Variants in IRX5 observed in about 807,000 individuals in gnomAD.
The protein encoded by IRX5 is iroquois homeobox 5, also known as iroquois-class homeodomain protein IRX-5.
Under a neutral mutation model 37.6 loss-of-function variants are expected in IRX5, and 8 were observed. The ratio of observed to expected loss-of-function variants is 0.21; its 90% confidence interval spans 0.12 to 0.38. The LOEUF is 0.38. Ranked by LOEUF, IRX5 falls within the 10% of genes least tolerant of loss-of-function variation. IRX5 has a pLI of 1.00. For missense variants in IRX5, 635 were observed against 695.2 expected (o/e 0.91, Z 0.97); for synonymous variants, 359 against 328.6 (o/e 1.09, Z -1.00).
At chr16:54,931,914 G>A in intron 1 of IRX5, 1 of 611,116 alleles carries the variant, frequency 1.6e-6, no homozygotes, top group Admixed American at 2.8e-5. Flanking sequence ...TCCGATTTGG[G>A]AGTATTAAAT....
Position 54,932,934 on chromosome 16 carries a change from C to T in IRX5, c.655+31C>T, listed in dbSNP as rs1963917578. On this transcript the variant is annotated intron_variant, in intron 2 of 2. Coordinates refer to ENST00000394636, the MANE Select transcript of IRX5 (RefSeq NM_005853.6). The surrounding 1 kb of genome is among the most constrained non-coding windows in gnomAD (Gnocchi z 6.7). Reference sequence around the variant, plus strand: ...TGGACATGGGAAAGGGCGTGTTGGGCGGGAGTAAAAAGGAAAAGAGAGGCC... The same window carrying T: ...TGGACATGGGAAAGGGCGTGTTGGGTGGGAGTAAAAAGGAAAAGAGAGGCC... 5.7e-6 allele frequency: 9 copies of T among 1,589,498 alleles called. No homozygotes were observed. The highest frequency in any genetic ancestry group is 7.7e-6 in the Non-Finnish European group (9 of 1,169,290).
Position 54,933,772 on chromosome 16 carries a change from G to C in IRX5, c.1351G>C (p.Asp451His). 1.2e-6 allele frequency: 2 copies of C among 1,614,160 alleles called. No individual in the cohort carries two copies. The highest frequency in any genetic ancestry group is 1.7e-6 in the Non-Finnish European group (2 of 1,180,046). Residue 451 changes from aspartate (D) to histidine (H), a missense_variant, in exon 3 of 3, where the codon GAC becomes CAC. Asp to His is a moderately conservative substitution (Grantham distance 81). Around this residue, in one of 5 missense-constraint regions of IRX5, gnomAD observed 188 missense variants for 200.8 expected, o/e 0.94. Coordinates refer to ENST00000394636, the MANE Select transcript of IRX5 (RefSeq NM_005853.6). ...AAACCAGACCGTGTTGAACCGAGCGGACGCTTTGGCTAAAGACCCGAAAAT... is the reference window on the plus strand; with the variant it reads ...AAACCAGACCGTGTTGAACCGAGCGCACGCTTTGGCTAAAGACCCGAAAAT... ...GLNQTVLNRA[D>H]ALAKDPKMLR...
chr16:54,933,635 C>T lies in IRX5; in HGVS notation c.1214C>T (p.Thr405Ile). 6.2e-7 allele frequency: 1 copy of T among 1,610,450 alleles called. No individual in the cohort carries two copies. Among genetic ancestry groups the T allele is most frequent in the Non-Finnish European group, 8.5e-7 (1 of 1,177,308 alleles). ...GTGCTGTCCCGGCCTCTCTACTACA[C>T]CGCGCCCTTCTATCCCGGCTACACG... ...GTVLSRPLYY[T>I]APFYPGYTNY... The change falls in exon 3 of 3, where the codon ACC becomes ATC. Residue 405 changes from threonine (T) to isoleucine (I), a missense_variant. Coordinates refer to ENST00000394636, the MANE Select transcript of IRX5 (RefSeq NM_005853.6).
Position 54,932,315 on chromosome 16 carries a change from C to A in IRX5, c.250-183C>A, listed in dbSNP as rs886132000. The A allele has an allele frequency of 2.8e-6, 2 of 709,684 alleles. No homozygotes were observed. Among genetic ancestry groups the A allele is most frequent in the Non-Finnish European group, 4.7e-6 (2 of 428,716 alleles). The allele number at this position is 709,684 out of a possible 1,614,324, so 44.0% of individuals were successfully genotyped here. ...ACCCAGAAATTGAGGTCCCCGCTGC[C>A]TTCTGAGGAGGGGGAGGAGTTGCTC... On this transcript the variant is annotated intron_variant, in intron 1 of 2. Coordinates refer to ENST00000394636, the MANE Select transcript of IRX5 (RefSeq NM_005853.6). This position sits in a 1 kb window ranked among gnomAD's most constrained non-coding sequence, Gnocchi z 6.7.
At position 54,933,450 on chromosome 16, in the gene IRX5, G is replaced by C. The variant is rs745371506; in HGVS notation, c.1029G>C (p.Ser343=). Residue 343 remains serine (S), a synonymous_variant, in exon 3 of 3, where the codon TCG becomes TCC. Transcript: ENST00000394636. ...GGTCTTTGGCAGAGATCGCCACATC[G>C]TCGGACAAGGTCAAGGACGGGGGCG... ...KLWSLAEIAT[S]SDKVKDGGGG... is the part of the protein sequence containing the mutation. 1 of 1,611,718 alleles carries C rather than the reference G, an allele frequency of 6.2e-7. No individual in the cohort carries two copies. Among genetic ancestry groups the C allele is most frequent in the Non-Finnish European group, 8.5e-7 (1 of 1,179,402 alleles).
In IRX5 at chr16:54,933,960, G is replaced by C; in HGVS notation, c.*87G>C. 1 of 1,363,320 alleles carries C rather than the reference G, an allele frequency of 7.3e-7. No homozygotes were observed. Among genetic ancestry groups the C allele is most frequent in the East Asian group, 2.4e-5 (1 of 42,272 alleles). The allele number at this position is 1,363,320 out of a possible 1,614,324, so 84.5% of individuals were successfully genotyped here. On this transcript the variant is annotated 3_prime_UTR_variant, in exon 3 of 3. Transcript: ENST00000394636. Reference sequence around the variant, plus strand: ...TTTCCATCACCGAGAGAGAGAGACAGAGAGAGAAAATAAACTACCCCTCCT... The same window carrying C: ...TTTCCATCACCGAGAGAGAGAGACACAGAGAGAAAATAAACTACCCCTCCT...
Position 54,933,282 on chromosome 16 carries a change from G to A in IRX5, c.861G>A (p.Pro287=). 1 of 1,361,272 alleles carries A rather than the reference G, an allele frequency of 7.3e-7. No homozygotes were observed. Among genetic ancestry groups the A allele is most frequent in the East Asian group, 3.1e-5 (1 of 32,226 alleles). 84.3% of individuals were successfully genotyped at this position (1,361,272 alleles called of 1,614,324 possible). ...GPAAARLAED[P]APHYPAGAPA... ...CGGCGGCGCGGCTGGCGGAGGACCCGGCCCCTCACTACCCCGCCGGAGCGC... is the reference window on the plus strand; with the variant it reads ...CGGCGGCGCGGCTGGCGGAGGACCCAGCCCCTCACTACCCCGCCGGAGCGC... The change falls in exon 3 of 3, where the codon CCG becomes CCA. Residue 287 remains proline (P), a synonymous_variant. Transcript: ENST00000394636.
Position 54,931,339 on chromosome 16 carries a change from C to T in IRX5, c.141C>T (p.Pro47=), listed in dbSNP as rs756275119. 2 of 1,610,578 alleles carry T rather than the reference C, an allele frequency of 1.2e-6. No individual in the cohort carries two copies. Among genetic ancestry groups the T allele is most frequent in the Non-Finnish European group, 1.7e-6 (2 of 1,179,598 alleles). The part of the protein sequence containing the change: ...GRSSSGSAFS[P]YAGSTAFTAP... ...CTTCTTCGGGCTCCGCGTTCTCGCCCTACGCTGGCTCGACTGCCTTCACGG... is the reference window on the plus strand; with the variant it reads ...CTTCTTCGGGCTCCGCGTTCTCGCCTTACGCTGGCTCGACTGCCTTCACGG... Residue 47 remains proline (P), a synonymous_variant, in exon 1 of 3, where the codon CCC becomes CCT. Transcript: ENST00000394636.
In IRX5 at chr16:54,933,940, A is replaced by G. The variant is rs1440949442; in HGVS notation, c.*67A>G. ...ACATGGCCTTGGCAGTTATTTTTCCATCACCGAGAGAGAGAGACAGAGAGA... is the reference window on the plus strand; with the variant it reads ...ACATGGCCTTGGCAGTTATTTTTCCGTCACCGAGAGAGAGAGACAGAGAGA... On this transcript the variant is annotated 3_prime_UTR_variant, in exon 3 of 3. Coordinates refer to ENST00000394636, the MANE Select transcript of IRX5 (RefSeq NM_005853.6). 1 of 1,443,424 alleles carries G rather than the reference A, an allele frequency of 6.9e-7. No homozygotes were observed. Among genetic ancestry groups the G allele is most frequent in the African/African-American group, 1.4e-5 (1 of 70,568 alleles). The allele number at this position is 1,443,424 out of a possible 1,614,324, so 89.4% of individuals were successfully genotyped here. A position where few individuals can be genotyped will look rare whatever the true frequency, so the allele number is the denominator to read the frequency against.
chr16:54,934,110 T>C lies in IRX5; in HGVS notation c.*237T>C, dbSNP rs762432569. On this transcript the variant is annotated 3_prime_UTR_variant, in exon 3 of 3. Coordinates refer to ENST00000394636, the MANE Select transcript of IRX5 (RefSeq NM_005853.6). ...AAAGGATTTGTATTAAATCTTATTC[T>C]GTATATTTAATGTAGCATTTTTGTA... is the stretch of plus-strand genomic sequence containing the variant. 69 of 361,042 alleles carry C rather than the reference T, an allele frequency of 1.9e-4. No homozygotes were observed. The highest frequency in any genetic ancestry group is 3.1e-4 in the Non-Finnish European group (63 of 204,062). 22.4% of individuals were successfully genotyped at this position (361,042 alleles called of 1,614,324 possible).
In IRX5 at chr16:54,933,473, G is replaced by A. The variant is rs779625299; in HGVS notation, c.1052G>A (p.Gly351Asp). The A allele has an allele frequency of 1.2e-6, 2 of 1,611,960 alleles. No homozygotes were observed. Among genetic ancestry groups the A allele is most frequent in the Non-Finnish European group, 8.5e-7 (1 of 1,179,448 alleles). ...ATSSDKVKDG[G>D]GGNEGSPCPP... ...TCGTCGGACAAGGTCAAGGACGGGG[G>A]CGGCGGGAACGAGGGCTCTCCATGC... Residue 351 changes from glycine to aspartate, a missense_variant, in exon 3 of 3, where the codon GGC becomes GAC. Around this residue, in one of 5 missense-constraint regions of IRX5, gnomAD observed 188 missense variants for 200.8 expected, o/e 0.94. Coordinates refer to ENST00000394636, the MANE Select transcript of IRX5 (RefSeq NM_005853.6).
rs747989573 is a variant in IRX5, at chr16:54,933,564, G to A, written c.1143G>A (p.Ala381=). ...GCAGCCGGGCGTCGCCGGCCCCGGC[G>A]CCGTCACGCTCGCCCTCGGCGCAGT... ...LGGSRASPAP[A]PSRSPSAQCP... The change falls in exon 3 of 3, where the codon GCG becomes GCA. Residue 381 remains alanine, a synonymous_variant. Transcript: ENST00000394636. 10 of 1,608,286 alleles carry A rather than the reference G, an allele frequency of 6.2e-6. No homozygotes were observed. The highest frequency in any genetic ancestry group is 2.2e-5 in the East Asian group (1 of 44,668).
chr16:54,931,071 G>T lies in IRX5; in HGVS notation c.-128G>T. 1 of 616,910 alleles carries T rather than the reference G, an allele frequency of 1.6e-6. No individual in the cohort carries two copies. Among genetic ancestry groups the T allele is most frequent in the Non-Finnish European group, 2.1e-6 (1 of 486,058 alleles). 38.2% of individuals were successfully genotyped at this position (616,910 alleles called of 1,614,324 possible). On this transcript the variant is annotated 5_prime_UTR_variant, in exon 1 of 3. Transcript: ENST00000394636. ...AGGAGGCGCCGCGGGCCGGAGCCCC[G>T]GAGCCGGGGCCAGAGGAGCGGCGGC...
In IRX5 at chr16:54,932,437, G is replaced by A. The variant is rs770716435; in HGVS notation, c.250-61G>A. 6.5e-7 allele frequency: 1 copy of A among 1,531,578 alleles called. No individual in the cohort carries two copies. The highest frequency in any genetic ancestry group is 8.8e-7 in the Non-Finnish European group (1 of 1,137,248). 94.9% of individuals were successfully genotyped at this position (1,531,578 alleles called of 1,614,324 possible). A position where few individuals can be genotyped will look rare whatever the true frequency, so the allele number is the denominator to read the frequency against. On this transcript the variant is annotated intron_variant, in intron 1 of 2. Coordinates refer to ENST00000394636, the MANE Select transcript of IRX5 (RefSeq NM_005853.6). The surrounding 1 kb of genome is among the most constrained non-coding windows in gnomAD (Gnocchi z 6.7). ...GGGAGCGCAGGGAAAAGGGTGCTTC[G>A]GTCGTTCCGATGGCAGTGGAGACCA...
chr16:54,931,445 G>C lies in IRX5; in HGVS notation c.247G>C (p.Val83Leu). ...AAAAAAFSSY[V>L]GSPYDHTPGM... ...CGCCGCCGCCGCCTTCTCCTCGTAC[G>C]TGGTAAGTGAGCGGGATCCGCGGCG... Residue 83 changes from valine (V) to leucine (L), a missense_variant and splice_region_variant, in exon 1 of 3, where the codon GTG becomes CTG. Around this residue, in one of 5 missense-constraint regions of IRX5, gnomAD observed 145 missense variants for 152.4 expected, o/e 0.95. Transcript: ENST00000394636. 6.3e-7 allele frequency: 1 copy of C among 1,579,576 alleles called. No homozygotes were observed. The highest frequency in any genetic ancestry group is 8.5e-7 in the Non-Finnish European group (1 of 1,170,744).
rs1239975095 is a variant in IRX5 at position 54,932,259 on chromosome 16, G to C, written c.250-239G>C. 1 of 674,742 alleles carries C rather than the reference G, an allele frequency of 1.5e-6. No homozygotes were observed. The highest frequency in any genetic ancestry group is 1.8e-5 in the African/African-American group (1 of 55,766). The allele number at this position is 674,742 out of a possible 1,614,324, so 41.8% of individuals were successfully genotyped here. On this transcript the variant is annotated intron_variant, in intron 1 of 2. Transcript: ENST00000394636. This position sits in a 1 kb window ranked among gnomAD's most constrained non-coding sequence, Gnocchi z 6.7. ...GGGCCTACGGGGTGACACCGAGGCC[G>C]GGACAGCTTCAGGGGCCCCAGAAGG...
chr16:54,933,366 G>T lies in IRX5; in HGVS notation c.945G>T (p.Ser315=). Reference sequence around the variant, plus strand: ...TGCCTCCGGGTCCCGGCGGGCCCTCGGTTATCCATTCGCCGCCTCCGCCGC... The same window carrying T: ...TGCCTCCGGGTCCCGGCGGGCCCTCTGTTATCCATTCGCCGCCTCCGCCGC... ...GEVPPGPGGP[S]VIHSPPPPPP... is the part of the protein sequence containing the mutation. Residue 315 remains serine (S), a synonymous_variant, in exon 3 of 3, where the codon TCG becomes TCT. Transcript: ENST00000394636. 6.6e-7 allele frequency: 1 copy of T among 1,524,266 alleles called. No homozygotes were observed. Among genetic ancestry groups the T allele is most frequent in the Non-Finnish European group, 8.8e-7 (1 of 1,140,502 alleles). The allele number at this position is 1,524,266 out of a possible 1,614,324, so 94.4% of individuals were successfully genotyped here. A position where few individuals can be genotyped will look rare whatever the true frequency, so the allele number is the denominator to read the frequency against.
In IRX5 at chr16:54,933,782, C is replaced by CG. The variant is rs1178783118; in HGVS notation, c.1361_1362insG (p.Lys455Ter). ...GTGTTGAACCGAGCGGACGCTTTGG[C>CG]TAAAGACCCGAAAATGTTGCGGAGC... On this transcript the variant is annotated frameshift_variant, in exon 3 of 3. Coordinates refer to ENST00000394636, the MANE Select transcript of IRX5 (RefSeq NM_005853.6). LOFTEE classifies it high-confidence loss of function. 22 of 1,614,012 alleles carry CG rather than the reference C, an allele frequency of 1.4e-5. No individual in the cohort carries two copies. Among genetic ancestry groups the CG allele is most frequent in the Admixed American group, 1.7e-5 (1 of 60,012 alleles).
rs1963890200 is a variant in IRX5 at position 54,931,150 on chromosome 16, C to T, written c.-49C>T. 1 of 1,289,154 alleles carries T rather than the reference C, an allele frequency of 7.8e-7. No homozygotes were observed. The highest frequency in any genetic ancestry group is 9.8e-7 in the Non-Finnish European group (1 of 1,015,334). 79.9% of individuals were successfully genotyped at this position (1,289,154 alleles called of 1,614,324 possible). ...CCGCTCGCCCTCGCAGGGCGCCGCC[C>T]GGCTCGTTGGCGGCCGCGGCGCGGC... On this transcript the variant is annotated 5_prime_UTR_variant, in exon 1 of 3. Coordinates refer to ENST00000394636, the MANE Select transcript of IRX5 (RefSeq NM_005853.6).
Sources: allele counts gnomAD v4.1 joint callset, GRCh38; gene constraint gnomAD v4.1.1; regional missense constraint gnomAD v4.1.1; non-coding constraint Gnocchi (gnomAD v3.1); transcripts MANE v1.5; gene names NCBI Gene and HGNC (gene_info 2026-07-23, HGNC 2026-07-21).